LAMA1: variants seen among roughly 807,000 people sequenced by gnomAD.
The protein encoded by LAMA1 is laminin subunit alpha-1.
LAMA1 carries 219 observed loss-of-function variants against 348.7 expected under a neutral mutation model. That is an observed-to-expected ratio of 0.63 (90% CI 0.56 to 0.70). LAMA1 has a LOEUF of 0.70. LAMA1 is among the 30% of genes least tolerant of loss of function. The probability of loss-of-function intolerance (pLI) is 0.00; values close to 1 mark genes in which losing one functional copy is unlikely to be tolerated. For missense variants in LAMA1, 3,744 were observed against 3,888.0 expected, an observed-to-expected ratio of 0.96 and a Z score of 0.99; for synonymous variants, 1,487 against 1,491.0, an observed-to-expected ratio of 1.00 and a Z score of 0.06.
chr18:7,117,785 G>C lies in LAMA1; in HGVS notation c.-65C>G, dbSNP rs879338127. The C allele has an allele frequency of 2.9e-5, 42 of 1,431,888 alleles. No individual in the cohort carries two copies. The highest frequency in any genetic ancestry group is 3.4e-5 in the Non-Finnish European group (36 of 1,051,336). The allele number at this position is 1,431,888 out of a possible 1,614,324, so 88.7% of individuals were successfully genotyped here. ...CGCGCGCCCGCCTGGAACGCTCCAC[G>C]GGACGCGAGTCCGCGCTGCCCTGGC... On this transcript the variant is annotated 5_prime_UTR_variant, in exon 1 of 63. Transcript: ENST00000389658.
At chr18:6,980,852 T>C (rs1235771974) in intron 41 of LAMA1, among the ~76,000 whole-genome samples, 1 of 152,168 alleles carries the variant, frequency 6.6e-6, no homozygotes, top group Non-Finnish European at 1.5e-5. Flanking sequence ...CCCAGCACTT[T>C]GGGAGGCCGA....
chr18:7,046,390 A>G, intron 5 of LAMA1, 23 bp from the exon 6 acceptor site: 1 of 1,415,546 alleles, frequency 7.1e-7, no homozygotes. Context: ...AAAGTTATGA[A>G]CAAAAATTAA....
At chr18:7,024,535 C>T (rs2144144307) in intron 17 of LAMA1, 69 bp from the exon 18 acceptor site, 3 of 1,250,278 alleles carry the variant, frequency 2.4e-6, no homozygotes, top group East Asian at 4.9e-5. Context: ...ATTTAAAATG[C>T]TTCATTTCTA....
chr18:7,108,692 A>C (rs1244212277), intron 1 of LAMA1, among the ~76,000 whole-genome samples: 1 of 149,466 alleles, frequency 6.7e-6, no homozygotes, highest in Non-Finnish European at 1.5e-5. Context: ...AAAGAAAAAC[A>C]CTGGGAGCTT....
At chr18:7,038,767 C>T (rs765316782) in intron 11 of LAMA1, 43 bp downstream of exon 11, 32 of 1,610,030 alleles carry the variant, frequency 2.0e-5, no homozygotes, top group African/African-American at 4.0e-5. Flanking sequence ...TTGTGCAATA[C>T]GACCTGCTCA....
intron 1 of LAMA1, among the ~76,000 whole-genome samples, chr18:7,087,722 G>A (rs1349946245): frequency 6.6e-6 from 1 of 152,192 alleles, no homozygotes. Flanking sequence ...TAAAGAGGAA[G>A]AACACAGGCT....
chr18:7,083,961 T>G (rs1002493981), intron 1 of LAMA1, among the ~76,000 whole-genome samples: 3 of 150,640 alleles, frequency 2.0e-5, no homozygotes, highest in Non-Finnish European at 2.9e-5. Flanking sequence ...GTAATCCAGC[T>G]ACTCGGGAGG....
rs748478648 is a variant in LAMA1, at chr18:7,011,426, C to T, written c.3561G>A (p.Leu1187=). The change falls in exon 25 of 63, where the codon TTG becomes TTA. Residue 1187 remains leucine (L), a synonymous_variant. Coordinates refer to ENST00000389658, the MANE Select transcript of LAMA1 (RefSeq NM_005559.4). ...PLLRVVSQSN[L]RGTTEGVYYQ... ...AGTAAACCCCCTCGGTCGTGCCCCT[C>T]AAGTTACTCTGAGAAACCACACGCA... is the stretch of plus-strand genomic sequence containing the variant. The T allele has an allele frequency of 6.2e-7, 1 of 1,608,836 alleles. No homozygotes were observed. The highest frequency in any genetic ancestry group is 1.7e-5 in the Admixed American group (1 of 59,242).
chr18:7,062,558 C>A (rs1227014619), intron 3 of LAMA1, among the ~76,000 whole-genome samples: 2 of 152,152 alleles, frequency 1.3e-5, no homozygotes, highest in Non-Finnish European at 2.9e-5. Context: ...GATGTTGGTG[C>A]CTGGAAATCA....
At chr18:7,071,775 C>CT (rs1484232347) in intron 3 of LAMA1, among the ~76,000 whole-genome samples, 4 of 152,196 alleles carry the variant, frequency 2.6e-5, no homozygotes, top group Non-Finnish European at 5.9e-5. Flanking sequence ...GGCTCTTAAG[C>CT]TTCAGTGAGT....
chr18:7,054,040 G>A (rs2058072195), intron 3 of LAMA1, among the ~76,000 whole-genome samples: 1 of 152,048 alleles, frequency 6.6e-6, no homozygotes, highest in South Asian at 2.1e-4. Context: ...CAAAGTGCTT[G>A]GATTACAGCC....
intron 12 of LAMA1, among the ~76,000 whole-genome samples, chr18:7,036,472 T>C (rs932332093): frequency 7.9e-5 from 12 of 152,242 alleles, no homozygotes; most frequent in Non-Finnish European, 2.9e-5. Context: ...ATCCTCCTCA[T>C]AGGACAACAA....
intron 1 of LAMA1, among the ~76,000 whole-genome samples, chr18:7,111,582 T>C (rs938518183): frequency 3.3e-5 from 5 of 152,216 alleles, no homozygotes; most frequent in Non-Finnish European, 5.9e-5. Flanking sequence ...AATAGCTCCC[T>C]GACAGACGTG....
intron 1 of LAMA1, among the ~76,000 whole-genome samples, chr18:7,096,814 T>G (rs2058263128): frequency 1.3e-5 from 2 of 152,216 alleles, no homozygotes; most frequent in Non-Finnish European, 2.9e-5. Flanking sequence ...ATTTCAGGAC[T>G]CTGAAAATCA....
chr18:6,969,983 A>G (rs1353849917), intron 48 of LAMA1, among the ~76,000 whole-genome samples: 1 of 152,226 alleles, frequency 6.6e-6, no homozygotes, highest in Non-Finnish European at 1.5e-5. Flanking sequence ...TTTTCATACT[A>G]GAAATGTTTA....
intron 1 of LAMA1, among the ~76,000 whole-genome samples, chr18:7,097,200 C>T (rs1485045968): frequency 2.0e-5 from 3 of 151,680 alleles, no homozygotes; most frequent in African/African-American, 4.9e-5. Context: ...AACAGGAGAG[C>T]CACAGAAGGG....
chr18:7,092,035 G>A (rs567768062), intron 1 of LAMA1, among the ~76,000 whole-genome samples: 8 of 152,126 alleles, frequency 5.3e-5, no homozygotes, highest in Non-Finnish European at 1.2e-4. Context: ...ATGCACCAAT[G>A]GCAGACAAAT....
At chr18:6,961,288 C>A (rs2057605888) in intron 53 of LAMA1, among the ~76,000 whole-genome samples, 1 of 152,142 alleles carries the variant, frequency 6.6e-6, no homozygotes, top group Non-Finnish European at 1.5e-5. Flanking sequence ...ATGACCACAA[C>A]ATGGGGAAGA....
intron 30 of LAMA1, among the ~76,000 whole-genome samples, chr18:7,001,564 A>G (rs1453035443): frequency 1.3e-5 from 2 of 152,204 alleles, no homozygotes; most frequent in Non-Finnish European, 2.9e-5. Context: ...TGGAGGCAAT[A>G]AAAAACAGAA....
Sources: allele counts gnomAD v4.1 joint callset (sites outside exome capture counted in the v4.1 genomes callset), GRCh38; gene constraint gnomAD v4.1.1; transcripts MANE v1.5; gene names NCBI Gene and HGNC (gene_info 2026-07-23, HGNC 2026-07-21).